Variants in OTUD7A observed in about 807,000 individuals in gnomAD.
OTUD7A encodes OTU domain-containing protein 7A.
OTUD7A carries 12 observed loss-of-function variants against 65.7 expected under a neutral mutation model. The ratio of observed to expected loss-of-function variants is 0.18; its 90% CI spans 0.12 to 0.30. OTUD7A has a LOEUF of 0.30. OTUD7A is among the 10% of genes least tolerant of loss of function. The pLI, the probability that OTUD7A is intolerant of heterozygous loss-of-function variation, is 1.00. For synonymous variants in OTUD7A, 641 were observed against 586.3 expected (o/e 1.09, Z -1.35); for missense variants, 1,148 against 1,304.8 (o/e 0.88, Z 1.85).
intron 3 of OTUD7A, among the ~76,000 whole-genome samples, chr15:31,639,060 G>A (rs1261103295): frequency 1.3e-5 from 2 of 152,048 alleles, no homozygotes; most frequent in East Asian, 3.9e-4. Context: ...CGTGAACCCG[G>A]GAGGCAGAGC....
rs780953907 is a variant in OTUD7A, at chr15:31,768,136, T to C, written c.-100+102371A>G. The C allele has an allele frequency of 1.4e-4, 224 of 1,589,480 alleles. No homozygotes were observed. The Middle Eastern group carries it at 3.1e-3, about 22-fold the overall frequency. ...TTAGAGGCATTCCTGCTCGAAAAGA[T>C]GTGGTAACTTCATTCCACAGCTTGG... is the stretch of plus-strand genomic sequence containing the variant. On this transcript the variant is annotated intron_variant, in intron 1 of 12. Coordinates refer to ENST00000307050, the MANE Select transcript of OTUD7A (RefSeq NM_001382637.1).
intron 4 of OTUD7A, among the ~76,000 whole-genome samples, chr15:31,568,338 G>T (rs1888942052): frequency 6.6e-6 from 1 of 152,242 alleles, no homozygotes; most frequent in South Asian, 2.1e-4. Context: ...TGTCCTGCTG[G>T]GTTTTGAACT....
intron 3 of OTUD7A, among the ~76,000 whole-genome samples, chr15:31,622,581 C>T (rs1248190466): frequency 1.3e-5 from 2 of 152,150 alleles, no homozygotes; most frequent in African/African-American, 4.8e-5. Context: ...GTGCATTCGT[C>T]GCGTAGTTCT....
At chr15:31,671,464 T>G (rs759869988) in intron 1 of OTUD7A, among the ~76,000 whole-genome samples, 1 of 152,244 alleles carries the variant, frequency 6.6e-6, no homozygotes, top group East Asian at 1.9e-4. Context: ...TTGGTTTCTG[T>G]AGCCTTGTAG....
intron 1 of OTUD7A, among the ~76,000 whole-genome samples, chr15:31,808,080 T>C (rs1896317039): frequency 7.2e-6 from 1 of 138,712 alleles, no homozygotes; most frequent in Admixed American, 7.8e-5. Flanking sequence ...TGTTATATAA[T>C]TGAGCTAACA....
At chr15:31,732,624 C>T (rs1894078918) in intron 1 of OTUD7A, among the ~76,000 whole-genome samples, 1 of 152,216 alleles carries the variant, frequency 6.6e-6, no homozygotes, top group Non-Finnish European at 1.5e-5. Context: ...GCATACGTAA[C>T]AAGCATGCAC....
At chr15:31,862,481 A>G (rs1381109652) in intron 1 of OTUD7A, among the ~76,000 whole-genome samples, 1 of 152,220 alleles carries the variant, frequency 6.6e-6, no homozygotes, top group East Asian at 1.9e-4. Context: ...ACAGTTCCAC[A>G]TGGCTGGTGA....
intron 3 of OTUD7A, among the ~76,000 whole-genome samples, chr15:31,593,615 G>T (rs922606450): frequency 8.5e-5 from 13 of 152,120 alleles, no homozygotes; most frequent in Non-Finnish European, 1.9e-4. Context: ...AGGACATGGA[G>T]GCCACCTCTG....
chr15:31,842,576 A>G (rs1411590833), intron 1 of OTUD7A, among the ~76,000 whole-genome samples: 1 of 152,076 alleles, frequency 6.6e-6, no homozygotes, highest in Admixed American at 6.5e-5. Flanking sequence ...CTGGTGGGGG[A>G]CAGAGAGGAC....
At chr15:31,641,562 G>A (rs1189370075) in intron 3 of OTUD7A, among the ~76,000 whole-genome samples, 1 of 152,044 alleles carries the variant, frequency 6.6e-6, no homozygotes, top group Non-Finnish European at 1.5e-5. Flanking sequence ...TGAGTCTTTT[G>A]ACCCATGGAT....
intron 4 of OTUD7A, among the ~76,000 whole-genome samples, chr15:31,567,149 T>C (rs1449539132): frequency 6.6e-6 from 1 of 152,190 alleles, no homozygotes; most frequent in Non-Finnish European, 1.5e-5. Context: ...TAGGGACTGG[T>C]TAAATGGTTA....
intron 5 of OTUD7A, among the ~76,000 whole-genome samples, chr15:31,532,284 C>A (rs913284979): frequency 4.6e-5 from 7 of 151,840 alleles, no homozygotes; most frequent in African/African-American, 1.7e-4. Flanking sequence ...ATACCTAAGA[C>A]AAATGAAAAA....
chr15:31,660,776 T>C (rs7174213), intron 1 of OTUD7A, among the ~76,000 whole-genome samples: 47,062 of 152,162 alleles, frequency 0.31, 8,490 homozygotes, highest in African/African-American at 0.49. Context: ...GTGGGGCACA[T>C]TGAAGTTCTT....
chr15:31,803,579 C>A (rs991773090), intron 1 of OTUD7A, among the ~76,000 whole-genome samples: 2 of 152,216 alleles, frequency 1.3e-5, no homozygotes, highest in Non-Finnish European at 2.9e-5. Flanking sequence ...AGGAGCTCCA[C>A]AGGGAGCAGA....
At chr15:31,769,337 T>C (rs1208992133) in intron 1 of OTUD7A, among the ~76,000 whole-genome samples, 1 of 152,194 alleles carries the variant, frequency 6.6e-6, no homozygotes, top group Admixed American at 6.5e-5. Flanking sequence ...CAATCCCAAA[T>C]GTGTATGCAC....
chr15:31,697,992 T>G (rs1456366956), intron 1 of OTUD7A, among the ~76,000 whole-genome samples: 1 of 152,164 alleles, frequency 6.6e-6, no homozygotes, highest in Non-Finnish European at 1.5e-5. Flanking sequence ...CTACTGCTCA[T>G]CAGGCAGCTT....
chr15:31,799,890 G>C (rs2140947253), intron 1 of OTUD7A, among the ~76,000 whole-genome samples: 1 of 152,176 alleles, frequency 6.6e-6, no homozygotes, highest in South Asian at 2.1e-4. Context: ...GAAGATACGG[G>C]GGAAGCACCA....
intron 1 of OTUD7A, among the ~76,000 whole-genome samples, chr15:31,832,252 G>A (rs1896951599): frequency 6.6e-6 from 1 of 152,182 alleles, no homozygotes; most frequent in Non-Finnish European, 1.5e-5. Context: ...GGGAGCCAGA[G>A]AAAACCTACA....
intron 1 of OTUD7A, among the ~76,000 whole-genome samples, chr15:31,727,371 T>C (rs972021387): frequency 6.6e-6 from 1 of 152,180 alleles, no homozygotes; most frequent in African/African-American, 2.4e-5. Context: ...GAATACCACA[T>C]ATTGTAGTTA....
Sources: gnomAD v4.1 joint callset for allele counts (sites outside exome capture counted in the v4.1 genomes callset) on GRCh38, gnomAD v4.1.1 for gene constraint, MANE v1.5 for transcripts, NCBI Gene and HGNC (gene_info 2026-07-23, HGNC 2026-07-21) for gene names.